The following FAP variants were observed in gnomAD, a reference collection of about 807,000 sequenced individuals.
FAP encodes fibroblast activation protein alpha, also known as prolyl endopeptidase FAP.
In FAP, 110 loss-of-function variants were observed where a neutral mutation model predicts 126.5. The ratio of observed to expected loss-of-function variants is 0.87; its 90% CI spans 0.74 to 1.02. The LOEUF (loss-of-function observed/expected upper bound fraction) is 1.02, where lower values mean the gene tolerates loss of function less well. FAP is among the 50% of genes least tolerant of loss of function. FAP has a pLI of 0.00. For synonymous variants in FAP, 334 were observed against 297.3 expected (o/e 1.12, Z -1.27); for missense variants, 919 against 909.2 (o/e 1.01, Z -0.14).
intron 22 of FAP, 44 bp from the exon 23 acceptor site, chr2:162,173,831 G>T: frequency 8.1e-7 from 1 of 1,235,508 alleles, no homozygotes; most frequent in Non-Finnish European, 1.2e-6. Context: ...TGTGATGAAT[G>T]TCATTTCATT....
chr2:162,185,268 T>G (rs183991450), intron 20 of FAP, among the ~76,000 whole-genome samples: 15 of 152,334 alleles, frequency 9.8e-5, no homozygotes, highest in Non-Finnish European at 1.8e-4. Flanking sequence ...CTTGGAATCA[T>G]AGCGATCAAT....
intron 21 of FAP, among the ~76,000 whole-genome samples, chr2:162,177,086 C>G (rs778909637): frequency 2.6e-5 from 4 of 152,104 alleles, no homozygotes; most frequent in Non-Finnish European, 2.9e-5. Flanking sequence ...TCCTGCCCCC[C>G]CTCCATGAGT....
At chr2:162,187,936 G>A (rs757462194) in intron 20 of FAP, among the ~76,000 whole-genome samples, 6 of 152,042 alleles carry the variant, frequency 3.9e-5, no homozygotes, top group Non-Finnish European at 5.9e-5. Context: ...CATCAAAAGA[G>A]GGTATTTGTC....
intron 16 of FAP, chr2:162,198,262 G>A (rs998503484): frequency 3.0e-5 from 39 of 1,289,832 alleles, no homozygotes; most frequent in Middle Eastern, 2.1e-4. Flanking sequence ...GACCTCCGAC[G>A]TGGGCATCTC....
intron 10 of FAP, 22 bp from the exon 11 acceptor site, chr2:162,214,095 G>A (rs764504581): frequency 5.6e-6 from 9 of 1,611,868 alleles, no homozygotes; most frequent in Middle Eastern, 1.7e-4. Context: ...ATAGAAACAG[G>A]TAGTCACAAC....
At chr2:162,171,550 A>T (rs566557961) in intron 25 of FAP, 2 of 160,918 alleles carry the variant, frequency 1.2e-5, no homozygotes, top group Admixed American at 1.2e-4. Flanking sequence ...GTATTCATAT[A>T]TAGCCATAAA....
intron 17 of FAP, among the ~76,000 whole-genome samples, chr2:162,194,351 C>T (rs970737522): frequency 6.6e-6 from 1 of 151,130 alleles, no homozygotes; most frequent in African/African-American, 2.4e-5. Context: ...AAAAAAACAC[C>T]CTAGGGATTC....
intron 12 of FAP, among the ~76,000 whole-genome samples, chr2:162,205,608 G>T (rs904299194): frequency 6.6e-5 from 10 of 151,928 alleles, no homozygotes; most frequent in African/African-American, 2.4e-4. Context: ...CTGTCGCCCG[G>T]GCACAAGTGA....
chr2:162,234,621 G>A (rs1690028730), intron 2 of FAP, among the ~76,000 whole-genome samples: 1 of 152,174 alleles, frequency 6.6e-6, no homozygotes, highest in African/African-American at 2.4e-5. Flanking sequence ...ATGTTGAACA[G>A]AAGCGATGAG....
intron 2 of FAP, among the ~76,000 whole-genome samples, chr2:162,235,197 C>T (rs947554961): frequency 3.9e-5 from 6 of 152,036 alleles, no homozygotes; most frequent in African/African-American, 7.2e-5. Flanking sequence ...TGCCCCTCCC[C>T]CTCCGCCATG....
chr2:162,213,871 T>C, intron 11 of FAP, 67 bp downstream of exon 11: 1 of 1,488,784 alleles, frequency 6.7e-7, no homozygotes. Context: ...ATGTTAGCTA[T>C]GGATGAGTCC....
intron 24 of FAP, 27 bp downstream of exon 24, chr2:162,173,122 T>C (rs1314465733): frequency 2.5e-6 from 4 of 1,586,714 alleles, no homozygotes; most frequent in Non-Finnish European, 3.5e-6. Flanking sequence ...AGTATTTTTA[T>C]GTGTAAGAGT....
chr2:162,201,248 C>T (rs1688487049), intron 14 of FAP, among the ~76,000 whole-genome samples: 1 of 152,022 alleles, frequency 6.6e-6, no homozygotes, highest in African/African-American at 2.4e-5. Context: ...ATTATTTTTC[C>T]CCCACGAATG....
chr2:162,236,128 A>G (rs112552283), intron 2 of FAP, among the ~76,000 whole-genome samples: 79 of 152,336 alleles, frequency 5.2e-4, no homozygotes, highest in African/African-American at 1.8e-3. Context: ...ATGATAAACC[A>G]ACCTTGTATT....
At chr2:162,234,757 C>T (rs919333243) in intron 2 of FAP, among the ~76,000 whole-genome samples, 4 of 152,152 alleles carry the variant, frequency 2.6e-5, no homozygotes, top group African/African-American at 4.8e-5. Flanking sequence ...CCATTCTGGC[C>T]GCACTTCAGG....
intron 14 of FAP, 35 bp downstream of exon 14, chr2:162,202,837 C>T: frequency 6.5e-7 from 1 of 1,542,100 alleles, no homozygotes; most frequent in South Asian, 1.1e-5. Context: ...CCAATTAAAA[C>T]CTGAATGGTG....
intron 20 of FAP, among the ~76,000 whole-genome samples, chr2:162,186,156 T>C (rs1211757359): frequency 1.3e-5 from 2 of 152,166 alleles, no homozygotes; most frequent in Non-Finnish European, 2.9e-5. Flanking sequence ...AAACAGAAAT[T>C]GCAAATTGCA....
intron 12 of FAP, among the ~76,000 whole-genome samples, chr2:162,204,808 AC>A (rs764621598): frequency 5.9e-5 from 9 of 152,192 alleles, no homozygotes; most frequent in Non-Finnish European, 1.0e-4. Context: ...CACCACATTT[AC>A]CTAGAATCAA....
intron 2 of FAP, among the ~76,000 whole-genome samples, chr2:162,227,863 TC>T (rs1689722737): frequency 6.6e-6 from 1 of 152,148 alleles, no homozygotes; most frequent in South Asian, 2.1e-4. Context: ...TAATGCTCAA[TC>T]CAAAAGCTAT....
Sources: gnomAD v4.1 joint callset for allele counts (sites outside exome capture counted in the v4.1 genomes callset) on GRCh38, gnomAD v4.1.1 for gene constraint, MANE v1.5 for transcripts, NCBI Gene and HGNC (gene_info 2026-07-23, HGNC 2026-07-21) for gene names.